SLC8A3: variants seen among roughly 807,000 people sequenced by gnomAD.
The protein encoded by SLC8A3 is solute carrier family 8 member A3.
Under a neutral mutation model 65.4 loss-of-function variants are expected in SLC8A3, and 37 were observed. The observed-to-expected ratio is 0.57, with a 90% confidence interval of 0.44 to 0.74. The LOEUF is 0.74. Among genes scored for constraint, SLC8A3 ranks in the 30% least tolerant of loss-of-function variants. The pLI is 0.00. For missense variants in SLC8A3, 1,112 were observed against 1,172.1 expected (o/e 0.95, Z 0.75); for synonymous variants, 461 against 444.5 (o/e 1.04, Z -0.47).
At chr14:70,060,568 G>A (rs1888671238) in intron 3 of SLC8A3, 1 of 580,024 alleles carries the variant, frequency 1.7e-6, no homozygotes, top group Non-Finnish European at 3.2e-6. Flanking sequence ...AGGAGTTGAG[G>A]CTGCAGTGCT....
intron 3 of SLC8A3, chr14:70,059,302 A>T (rs1261678970): frequency 6.6e-6 from 1 of 152,238 alleles, no homozygotes; most frequent in Non-Finnish European, 1.5e-5. Flanking sequence ...TGAATCTCTT[A>T]GCTCTGTCCT....
At chr14:70,068,916 G>C (rs1362268061) in intron 2 of SLC8A3, among the ~76,000 whole-genome samples, 1 of 151,982 alleles carries the variant, frequency 6.6e-6, no homozygotes. Context: ...TTCTAGAGAC[G>C]AGGTGTCACC....
Position 70,144,331 on chromosome 14 carries a change from T to TAA in SLC8A3, c.1784+22306_1784+22307dup, listed in dbSNP as rs1164198147. On this transcript the variant is annotated intron_variant, in intron 2 of 6. Coordinates refer to ENST00000356921, the MANE Select transcript of SLC8A3 (RefSeq NM_182932.3). ...CTGTTTTTTTTTTTTTTTTTTTTTT[T>TAA]AAAAAAAAAAAAAAAAAGGCCAGGC... Among the ~76,000 whole-genome samples, 220 of 66,942 alleles carry TAA rather than the reference T, an allele frequency of 3.3e-3. 4 individuals are homozygous for TAA. Among genetic ancestry groups the TAA allele is most frequent in the South Asian group, 0.019 (29 of 1,496 alleles). 43.9% of individuals were successfully genotyped at this position (66,942 alleles called of 152,430 possible). A position where few individuals can be genotyped will look rare whatever the true frequency, so the allele number is the denominator to read the frequency against.
At chr14:70,062,403 C>T (rs1038007693) in intron 2 of SLC8A3, among the ~76,000 whole-genome samples, 6 of 152,168 alleles carry the variant, frequency 3.9e-5, no homozygotes, top group African/African-American at 1.4e-4. Flanking sequence ...AGGCTATATA[C>T]TACGATATTT....
At chr14:70,163,410 T>A (rs1265717358) in intron 2 of SLC8A3, among the ~76,000 whole-genome samples, 8 of 152,240 alleles carry the variant, frequency 5.3e-5, no homozygotes, top group Admixed American at 5.2e-4. Flanking sequence ...TCGTGGATCC[T>A]ATATTATTGA....
intron 2 of SLC8A3, chr14:70,063,768 A>T: frequency 1.0e-6 from 1 of 989,698 alleles, no homozygotes; most frequent in Non-Finnish European, 1.6e-6. Flanking sequence ...GGAGAGGAAG[A>T]AACAGAAGAG....
chr14:70,094,064 A>T (rs1333809603), intron 2 of SLC8A3, among the ~76,000 whole-genome samples: 1 of 152,242 alleles, frequency 6.6e-6, no homozygotes, highest in East Asian at 1.9e-4. Context: ...AGCCCCATCT[A>T]GTTCTGACTC....
At chr14:70,108,341 A>C (rs976187008) in intron 2 of SLC8A3, among the ~76,000 whole-genome samples, 3 of 151,094 alleles carry the variant, frequency 2.0e-5, no homozygotes, top group Non-Finnish European at 4.4e-5. Context: ...CGGAGGTTGC[A>C]GTGAGCTGAG....
chr14:70,068,494 C>T (rs1889688819), intron 2 of SLC8A3, among the ~76,000 whole-genome samples: 1 of 152,132 alleles, frequency 6.6e-6, no homozygotes, highest in African/African-American at 2.4e-5. Flanking sequence ...CCTCCTGCCT[C>T]AGCCTCTTGA....
chr14:70,077,565 G>C (rs1486701507), intron 2 of SLC8A3, among the ~76,000 whole-genome samples: 1 of 152,122 alleles, frequency 6.6e-6, no homozygotes, highest in Non-Finnish European at 1.5e-5. Context: ...TATGTACTCC[G>C]GAGGGCTCCT....
At chr14:70,048,576 G>T (rs942950707) in intron 6 of SLC8A3, 191 bp downstream of exon 6, 1 of 684,684 alleles carries the variant, frequency 1.5e-6, no homozygotes, top group Admixed American at 2.0e-5. Context: ...CACATTGAAA[G>T]TGCTCAAGAA....
intron 1 of SLC8A3, among the ~76,000 whole-genome samples, chr14:70,186,105 A>AT (rs1194971205): frequency 1.3e-5 from 2 of 152,190 alleles, no homozygotes; most frequent in Non-Finnish European, 2.9e-5. Context: ...TCATGGGGGC[A>AT]GTAACCCCCA....
At chr14:70,177,429 A>G (rs1265498085) in intron 1 of SLC8A3, among the ~76,000 whole-genome samples, 3 of 152,190 alleles carry the variant, frequency 2.0e-5, no homozygotes, top group Non-Finnish European at 2.9e-5. Context: ...CAAAACAACT[A>G]CCAGATTTTG....
At chr14:70,145,986 A>AGGAAGACAGGCCC (rs1427655924) in intron 2 of SLC8A3, among the ~76,000 whole-genome samples, 4 of 152,116 alleles carry the variant, frequency 2.6e-5, no homozygotes, top group Non-Finnish European at 5.9e-5. Context: ...GAAGGAAGGA[A>AGGAAGACAGGCCC]GGAAGACAGG....
chr14:70,049,823 C>A (rs1365623124), intron 5 of SLC8A3, among the ~76,000 whole-genome samples: 1 of 152,150 alleles, frequency 6.6e-6, no homozygotes, highest in African/African-American at 2.4e-5. Context: ...CATTCCAGAT[C>A]ACGAGAATAT....
Position 70,090,855 on chromosome 14 carries a change from G to GA in SLC8A3, c.1785-29917dup, listed in dbSNP as rs1244410351. 2.0e-5 allele frequency among the ~76,000 whole-genome samples: 3 copies of GA among 152,220 alleles called. No individual in the cohort carries two copies. The South Asian group carries it at 6.2e-4, about 32-fold the overall frequency. ...GGAAGTAGTTCTTAGCTTTTTGGGG[G>GA]ATCACAAACTGCTTCGATAATTCAG... is the stretch of plus-strand genomic sequence containing the variant. On this transcript the variant is annotated intron_variant, in intron 2 of 6. Coordinates refer to ENST00000356921, the MANE Select transcript of SLC8A3 (RefSeq NM_182932.3).
intron 2 of SLC8A3, among the ~76,000 whole-genome samples, chr14:70,117,490 G>A (rs372072121): frequency 1.3e-5 from 2 of 152,208 alleles, no homozygotes; most frequent in African/African-American, 4.8e-5. Flanking sequence ...CTTCATCTGA[G>A]AATATGATTT....
At chr14:70,115,743 C>A (rs1051870571) in intron 2 of SLC8A3, among the ~76,000 whole-genome samples, 2 of 152,154 alleles carry the variant, frequency 1.3e-5, no homozygotes, top group Admixed American at 1.3e-4. Context: ...GGTATTTATG[C>A]TGGACTTTTC....
chr14:70,046,027 T>C lies in SLC8A3; in HGVS notation c.2686A>G (p.Thr896Ala), dbSNP rs1257570448. Reference protein sequence around the residue: ...GGPRGCKLATTWLFVSLWLLY... With the variant: ...GGPRGCKLATAWLFVSLWLLY... ...AGCCACAGGCTCACAAAGAGCCATG[T>C]TGTGGCGAGCTTGCAGCCACGGGGG... is the stretch of plus-strand genomic sequence containing the variant. Residue 896 changes from threonine to alanine, a missense_variant, in exon 7 of 7, where the codon ACA becomes GCA. Physicochemically the swap from Thr to Ala is moderately conservative, Grantham distance 58. Transcript: ENST00000356921. This position sits in a 1 kb window ranked among gnomAD's most constrained non-coding sequence, Gnocchi z 4.2. 1 of 1,613,828 alleles carries C rather than the reference T, an allele frequency of 6.2e-7. No homozygotes were observed. The highest frequency in any genetic ancestry group is 8.5e-7 in the Non-Finnish European group (1 of 1,179,898).
Sources: allele counts gnomAD v4.1 joint callset (sites outside exome capture counted in the v4.1 genomes callset), GRCh38; gene constraint gnomAD v4.1.1; non-coding constraint Gnocchi (gnomAD v3.1); transcripts MANE v1.5; gene names NCBI Gene and HGNC (gene_info 2026-07-23, HGNC 2026-07-21).